The following ZMIZ1 variants were observed in gnomAD, a reference collection of about 807,000 sequenced individuals.
ZMIZ1 encodes zinc finger MIZ domain-containing protein 1.
ZMIZ1 carries 17 observed loss-of-function variants against 113.9 expected under a neutral mutation model. The observed-to-expected ratio is 0.15, with a 90% CI of 0.10 to 0.22. ZMIZ1 has a LOEUF of 0.22. ZMIZ1 is among the 10% of genes least tolerant of loss of function. The pLI is 1.00. For synonymous variants in ZMIZ1, 607 were observed against 603.1 expected (o/e 1.01, Z -0.09); for missense variants, 1,059 against 1,477.8 (o/e 0.72, Z 4.65).
Position 79,207,398 on chromosome 10 carries a change from T to A in ZMIZ1, c.61-938T>A, listed in dbSNP as rs148007433. On this transcript the variant is annotated intron_variant, in intron 5 of 24. Coordinates refer to ENST00000334512, the MANE Select transcript of ZMIZ1 (RefSeq NM_020338.4). ...AATCTCACCTTTGCCCCTAATCTGC[T>A]CCTTGCTCCTAGCCACATCTTTTGT... Among the ~76,000 whole-genome samples the A allele has an allele frequency of 3.3e-4, 50 of 152,274 alleles. No individual in the cohort carries two copies. The East Asian group carries it at 9.7e-3, about 29-fold the overall frequency.
rs777095277 is a variant in ZMIZ1, at chr10:79,314,011, G to C, written c.*1262G>C. The C allele has an allele frequency of 1.1e-5, 5 of 456,062 alleles. No individual in the cohort carries two copies. The highest frequency in any genetic ancestry group is 4.6e-5 in the South Asian group (3 of 64,544). 28.3% of individuals were successfully genotyped at this position (456,062 alleles called of 1,614,324 possible). On this transcript the variant is annotated 3_prime_UTR_variant, in exon 25 of 25. Coordinates refer to ENST00000334512, the MANE Select transcript of ZMIZ1 (RefSeq NM_020338.4). ...CAGTATGTACCTGCAGGCATGGGGG[G>C]GAGGGGGGCGTGTTTCTGGGCCTGC... is the stretch of plus-strand genomic sequence containing the variant.
chr10:79,281,618 C>G (rs1852743026), intron 8 of ZMIZ1, among the ~76,000 whole-genome samples: 1 of 152,228 alleles, frequency 6.6e-6, no homozygotes, highest in South Asian at 2.1e-4. Context: ...GGCACTTACT[C>G]TTTGGGCCAT....
In ZMIZ1 at chr10:79,152,633, G is replaced by A. The variant is rs188911008; in HGVS notation, c.-130-9420G>A. On this transcript the variant is annotated intron_variant, in intron 3 of 24. Coordinates refer to ENST00000334512, the MANE Select transcript of ZMIZ1 (RefSeq NM_020338.4). ...ACGGGCTGCTTTCTCCGCCCTGCCC[G>A]GATCCCCAGGCAGCACTGTGGGCTG... Among the ~76,000 whole-genome samples the A allele has an allele frequency of 2.2e-3, 339 of 152,366 alleles. 1 individual carries two copies. The highest frequency in any genetic ancestry group is 7.6e-3 in the African/African-American group (318 of 41,588).
chr10:79,164,647 CT>C (rs1564691700), intron 4 of ZMIZ1, among the ~76,000 whole-genome samples: 1 of 152,074 alleles, frequency 6.6e-6, no homozygotes, highest in East Asian at 1.9e-4. Context: ...CATGCTATCT[CT>C]TCAGCATCTT....
intron 2 of ZMIZ1, among the ~76,000 whole-genome samples, chr10:79,131,306 G>A (rs1175005345): frequency 6.6e-6 from 1 of 152,088 alleles, no homozygotes; most frequent in South Asian, 2.1e-4. Context: ...AGAACAGCAC[G>A]TGCCCACTCT....
chr10:79,103,192 GGGGTAGGA>G (rs1341050470), intron 1 of ZMIZ1, among the ~76,000 whole-genome samples: 3 of 152,188 alleles, frequency 2.0e-5, no homozygotes, highest in African/African-American at 4.8e-5. Context: ...CAAAGGCCCA[GGGGTAGGA>G]ATATGCTTGG....
At chr10:79,107,639 A>G (rs541682890) in intron 1 of ZMIZ1, among the ~76,000 whole-genome samples, 28 of 152,324 alleles carry the variant, frequency 1.8e-4, no homozygotes, top group African/African-American at 6.0e-4. Context: ...TTGCTCCCAC[A>G]CTACTCGGAG....
At chr10:79,130,108 C>G (rs963983545) in intron 2 of ZMIZ1, among the ~76,000 whole-genome samples, 8 of 152,322 alleles carry the variant, frequency 5.3e-5, no homozygotes, top group Middle Eastern at 3.4e-3. Context: ...ATTAGGCCCC[C>G]TTAACCATCT....
chr10:79,172,193 G>A (rs1299645205), intron 4 of ZMIZ1, among the ~76,000 whole-genome samples: 8 of 152,162 alleles, frequency 5.3e-5, no homozygotes, highest in East Asian at 1.9e-4. Context: ...AGAGCCACAC[G>A]TCACCCTCCT....
intron 8 of ZMIZ1, among the ~76,000 whole-genome samples, chr10:79,283,348 T>C (rs757376334): frequency 1.3e-5 from 2 of 152,184 alleles, no homozygotes; most frequent in Non-Finnish European, 2.9e-5. Context: ...CTTACCCTCC[T>C]TGTGCCTCGG....
At chr10:79,183,329 C>A (rs951946953) in intron 4 of ZMIZ1, among the ~76,000 whole-genome samples, 1 of 151,658 alleles carries the variant, frequency 6.6e-6, no homozygotes, top group South Asian at 2.1e-4. Context: ...ACACCCGGGA[C>A]GCAGCACAGG....
chr10:79,239,938 C>T (rs565818522), intron 7 of ZMIZ1, among the ~76,000 whole-genome samples: 4 of 148,990 alleles, frequency 2.7e-5, no homozygotes, highest in East Asian at 2.1e-4. Context: ...AGGCAGGCTC[C>T]GCATGGCAGG....
At chr10:79,207,396 G>A (rs1260257023) in intron 5 of ZMIZ1, among the ~76,000 whole-genome samples, 2 of 152,198 alleles carry the variant, frequency 1.3e-5, no homozygotes, top group Non-Finnish European at 2.9e-5. Flanking sequence ...CCCCTAATCT[G>A]CTCCTTGCTC....
chr10:79,264,070 T>C (rs1851432793), intron 7 of ZMIZ1, among the ~76,000 whole-genome samples: 1 of 152,080 alleles, frequency 6.6e-6, no homozygotes, highest in Non-Finnish European at 1.5e-5. Context: ...ACATGCGGAA[T>C]GGAAAGCAGG....
intron 4 of ZMIZ1, among the ~76,000 whole-genome samples, chr10:79,195,468 A>G (rs1847794587): frequency 1.3e-5 from 2 of 152,218 alleles, no homozygotes; most frequent in South Asian, 4.1e-4. Flanking sequence ...CCAGGCCGAC[A>G]GTGATCTGTT....
At chr10:79,168,690 G>A (rs1192650777) in intron 4 of ZMIZ1, among the ~76,000 whole-genome samples, 1 of 152,216 alleles carries the variant, frequency 6.6e-6, no homozygotes, top group Non-Finnish European at 1.5e-5. Flanking sequence ...TGTGCATCGT[G>A]TGGCGCATGG....
intron 8 of ZMIZ1, among the ~76,000 whole-genome samples, chr10:79,286,444 G>T (rs1290828044): frequency 1.3e-5 from 2 of 152,264 alleles, no homozygotes; most frequent in East Asian, 3.9e-4. Context: ...TCACGGTCCT[G>T]TCGGTGCGGC....
chr10:79,179,481 C>G (rs1847018225), intron 4 of ZMIZ1, among the ~76,000 whole-genome samples: 1 of 152,250 alleles, frequency 6.6e-6, no homozygotes, highest in Non-Finnish European at 1.5e-5. Context: ...CTCTGGGGCA[C>G]CACGCCTCTT....
intron 7 of ZMIZ1, among the ~76,000 whole-genome samples, chr10:79,239,686 C>T (rs1039413258): frequency 2.6e-5 from 4 of 152,156 alleles, no homozygotes; most frequent in African/African-American, 9.7e-5. Flanking sequence ...GCCCCCAGGC[C>T]TCCCACTATG....
Sources: gnomAD v4.1 joint callset for allele counts (sites outside exome capture counted in the v4.1 genomes callset) on GRCh38, gnomAD v4.1.1 for gene constraint, MANE v1.5 for transcripts, NCBI Gene and HGNC (gene_info 2026-07-23, HGNC 2026-07-21) for gene names.